DHX38: variants seen among roughly 807,000 people sequenced by gnomAD.
DHX38 encodes the protein DEAH-box helicase 38, also known as pre-mRNA-splicing factor ATP-dependent RNA helicase PRP16.
DHX38 carries 100 observed loss-of-function variants against 153.1 expected under a neutral mutation model. The ratio of observed to expected loss-of-function variants is 0.65; its 90% CI spans 0.56 to 0.77. DHX38 has a LOEUF of 0.77. Among genes scored for constraint, DHX38 ranks in the 30% least tolerant of loss-of-function variants. The probability of loss-of-function intolerance (pLI) is 0.00; values close to 1 mark genes in which losing one functional copy is unlikely to be tolerated. For synonymous variants in DHX38, 650 were observed against 631.7 expected (o/e 1.03, Z -0.43); for missense variants, 1,440 against 1,654.0 (o/e 0.87, Z 2.24).
At chr16:72,105,424 C>A in intron 17 of DHX38, 76 bp downstream of exon 17, 1 of 1,597,862 alleles carries the variant, frequency 6.3e-7, no homozygotes, top group Non-Finnish European at 8.6e-7. Flanking sequence ...ACTGTCCTGG[C>A]AGGGGGTGGG....
At position 72,111,070 on chromosome 16, in the gene DHX38, A is replaced by G. The variant is rs1386406343; in HGVS notation, c.3592A>G (p.Ser1198Gly). 1 of 1,563,524 alleles carries G rather than the reference A, an allele frequency of 6.4e-7. No homozygotes were observed. The highest frequency in any genetic ancestry group is 8.7e-7 in the Non-Finnish European group (1 of 1,154,570). The change falls in exon 26 of 27, where the codon AGT (serine) becomes GGT (glycine). Residue 1198 changes from serine to glycine, a missense_variant. Ser to Gly is a moderately conservative substitution (Grantham distance 56). Coordinates refer to ENST00000268482, the MANE Select transcript of DHX38 (RefSeq NM_014003.4). ...GCAGGAGAAGCGCAGCCCCCTGGGC[A>G]GTGTCAGGTGAGCTCCGGCCTTCGG... ...QEQEKRSPLG[S>G]VRSTKIYTPG...
At chr16:72,101,713 G>C in intron 11 of DHX38, 101 bp downstream of exon 11, 1 of 871,488 alleles carries the variant, frequency 1.1e-6, no homozygotes, top group Non-Finnish European at 1.8e-6. Flanking sequence ...TCCTGAGTGG[G>C]AGACTCTTAG....
Position 72,108,362 on chromosome 16 carries a change from C to G in DHX38, c.3100C>G (p.His1034Asp). The part of the protein sequence containing the change: ...STIWCNDHFI[H>D]AKAMRKVREV... ...CATCTGGTGTAACGATCATTTCATC[C>G]ATGCTAAGGCCATGCGGAAGGTAGA... is the stretch of plus-strand genomic sequence containing the variant. Residue 1034 changes from histidine (H) to aspartate (D), a missense_variant, in exon 22 of 27, where the codon CAT becomes GAT. Physicochemically the swap from His to Asp is moderately conservative, Grantham distance 81 (BLOSUM62 -1). Transcript: ENST00000268482. The G allele has an allele frequency of 1.9e-6, 3 of 1,614,156 alleles. No individual in the cohort carries two copies. The highest frequency in any genetic ancestry group is 2.5e-6 in the Non-Finnish European group (3 of 1,180,036).
Position 72,100,447 on chromosome 16 carries a change from C to T in DHX38, c.1128C>T (p.Arg376=), listed in dbSNP as rs1412585692. The T allele has an allele frequency of 6.2e-7, 1 of 1,613,910 alleles. No individual in the cohort carries two copies. The highest frequency in any genetic ancestry group is 1.3e-5 in the African/African-American group (1 of 74,930). The change falls in exon 9 of 27, where the codon CGC becomes CGT. Residue 376 remains arginine, a synonymous_variant. Coordinates refer to ENST00000268482, the MANE Select transcript of DHX38 (RefSeq NM_014003.4). ...TTGTGTCCTCACAGGATAACGAGCG[C>T]TGGGAGACAAACCGCATGCTCACCA... ...QRRQINEDNE[R]WETNRMLTSG...
intron 7 of DHX38, among the ~76,000 whole-genome samples, 190 bp downstream of exon 7, chr16:72,099,470 T>G (rs1398919763): frequency 1.3e-5 from 2 of 152,072 alleles, no homozygotes; most frequent in Admixed American, 6.5e-5. Context: ...CTGACCTAAC[T>G]GTTCTGTTAT....
In DHX38 at chr16:72,096,438, A is replaced by C; in HGVS notation, c.281A>C (p.Glu94Ala). ...ESKDDQKDAE[E>A]EGGDQAGQNI... ...AAGGATGACCAGAAGGATGCTGAGG[A>C]AGAGGGCGGTGACCAGGCTGGCCAA... Residue 94 changes from glutamate (E) to alanine (A), a missense_variant, in exon 2 of 27, where the codon GAA (glutamate) becomes GCA (alanine). Coordinates refer to ENST00000268482, the MANE Select transcript of DHX38 (RefSeq NM_014003.4). 8 of 1,613,818 alleles carry C rather than the reference A, an allele frequency of 5.0e-6. No homozygotes were observed. The highest frequency in any genetic ancestry group is 6.8e-6 in the Non-Finnish European group (8 of 1,179,932).
intron 12 of DHX38, 48 bp downstream of exon 12, chr16:72,103,259 C>T (rs2042125339): frequency 1.3e-6 from 2 of 1,593,480 alleles, no homozygotes; most frequent in African/African-American, 1.4e-5. Flanking sequence ...CAGGGGTGCC[C>T]TTGGTCTCCC....
Position 72,111,086 on chromosome 16 carries a change from C to A in DHX38, c.3599+9C>A. 1 of 1,551,372 alleles carries A rather than the reference C, an allele frequency of 6.4e-7. No individual in the cohort carries two copies. The highest frequency in any genetic ancestry group is 8.7e-7 in the Non-Finnish European group (1 of 1,147,770). On this transcript the variant is annotated intron_variant, in intron 26 of 26. Coordinates refer to ENST00000268482, the MANE Select transcript of DHX38 (RefSeq NM_014003.4). ...CCCCTGGGCAGTGTCAGGTGAGCTC[C>A]GGCCTTCGGGCTCTGGCTGGGGTGG...
intron 8 of DHX38, 85 bp from the exon 9 acceptor site, chr16:72,100,351 A>G: frequency 6.6e-7 from 1 of 1,516,282 alleles, no homozygotes; most frequent in Non-Finnish European, 8.9e-7. Flanking sequence ...TTCTGTCAGG[A>G]CTTGATGTGT....
At chr16:72,108,653 T>C (rs772013032) in intron 23 of DHX38, 46 bp downstream of exon 23, 1 of 1,601,018 alleles carries the variant, frequency 6.2e-7, no homozygotes. Context: ...GATACCTGTA[T>C]AAGGGCAAAG....
In DHX38 at chr16:72,098,961, C is replaced by T; in HGVS notation, c.799C>T (p.Leu267=). 1.2e-6 allele frequency: 2 copies of T among 1,614,158 alleles called. No homozygotes were observed. The highest frequency in any genetic ancestry group is 1.7e-6 in the Non-Finnish European group (2 of 1,180,046). ...GGGCAAGTACTCGGATGACACGCCTCTGCCAACTCCCTCCTACAAATATAA... is the reference window on the plus strand; with the variant it reads ...GGGCAAGTACTCGGATGACACGCCTTTGCCAACTCCCTCCTACAAATATAA... ...VRGKYSDDTP[L]PTPSYKYNEW... is the part of the protein sequence containing the mutation. Residue 267 remains leucine, a synonymous_variant, in exon 6 of 27, where the codon CTG becomes TTG. Coordinates refer to ENST00000268482, the MANE Select transcript of DHX38 (RefSeq NM_014003.4).
chr16:72,099,367 G>A lies in DHX38; in HGVS notation c.960+87G>A, dbSNP rs958084780. The A allele has an allele frequency of 3.6e-5, 45 of 1,242,236 alleles. No homozygotes were observed. In the African/African-American group the frequency reaches 4.8e-4, roughly 13 times the overall value. The allele number at this position is 1,242,236 out of a possible 1,614,324, so 77.0% of individuals were successfully genotyped here. On this transcript the variant is annotated intron_variant, in intron 7 of 26. Coordinates refer to ENST00000268482, the MANE Select transcript of DHX38 (RefSeq NM_014003.4). ...CTCTAGCAGGACTGGGCTTTGATGAGGGTACACCTGAGCCCTGTTCAGACC... is the reference window on the plus strand; with the variant it reads ...CTCTAGCAGGACTGGGCTTTGATGAAGGTACACCTGAGCCCTGTTCAGACC...
At chr16:72,103,513 T>G in intron 12 of DHX38, 89 bp from the exon 13 acceptor site, 1 of 1,411,712 alleles carries the variant, frequency 7.1e-7, no homozygotes, top group South Asian at 1.3e-5. Context: ...TAGCTAGTCA[T>G]GGGGATAGGA....
chr16:72,106,440 T>TTTTCTTTCTTTCTTTC lies in DHX38; in HGVS notation c.2600+338_2600+339insCTTTCTTTCTTTCTTT, dbSNP rs71153701. 2.6e-4 allele frequency among the ~76,000 whole-genome samples: 39 copies of TTTTCTTTCTTTCTTTC among 147,520 alleles called. 2 individuals are homozygous for TTTTCTTTCTTTCTTTC. The highest frequency in any genetic ancestry group is 2.7e-4 in the African/African-American group (11 of 40,644). ...TTATTTCTATTGTTCTCTTTCCCCA[T>TTTTCTTTCTTTCTTTC]TTTCTTTCTTTCTTTTTTCCAATTA... On this transcript the variant is annotated intron_variant, in intron 19 of 26. Coordinates refer to ENST00000268482, the MANE Select transcript of DHX38 (RefSeq NM_014003.4).
intron 11 of DHX38, among the ~76,000 whole-genome samples, chr16:72,102,251 G>A (rs1249993957): frequency 1.3e-5 from 2 of 152,180 alleles, no homozygotes; most frequent in East Asian, 3.9e-4. Context: ...CATACGAGAA[G>A]TTGGTACTAT....
intron 25 of DHX38, 186 bp downstream of exon 25, chr16:72,109,696 C>A: frequency 2.0e-6 from 1 of 495,118 alleles, no homozygotes; most frequent in Non-Finnish European, 3.4e-6. Context: ...GTAGGCTGAG[C>A]CTTTAAAAAC....
chr16:72,107,686 C>T lies in DHX38; in HGVS notation c.2851C>T (p.Leu951=), dbSNP rs1597447483. The T allele has an allele frequency of 1.2e-6, 2 of 1,614,210 alleles. No individual in the cohort carries two copies. The highest frequency in any genetic ancestry group is 1.7e-6 in the Non-Finnish European group (2 of 1,180,048). The change falls in exon 21 of 27, where the codon CTG becomes TTG. Residue 951 remains leucine, a synonymous_variant. Transcript: ENST00000268482. The surrounding 1 kb of genome is among the most constrained non-coding windows in gnomAD (Gnocchi z 5.3). Reference sequence around the variant, plus strand: ...CGGGCGGCTGATGGTGGAGTTCCCGCTGGACCCTGCCCTGTCCAAGATGCT... The same window carrying T: ...CGGGCGGCTGATGGTGGAGTTCCCGTTGGACCCTGCCCTGTCCAAGATGCT... ...STGRLMVEFP[L]DPALSKMLIV...
In DHX38 at chr16:72,111,037, C is replaced by T. The variant is rs201730144; in HGVS notation, c.3559C>T (p.Arg1187Trp). 10 of 1,578,174 alleles carry T rather than the reference C, an allele frequency of 6.3e-6. No individual in the cohort carries two copies. The highest frequency in any genetic ancestry group is 2.3e-5 in the East Asian group (1 of 43,082). Residue 1187 changes from arginine (R) to tryptophan (W), a missense_variant, in exon 26 of 27, where the codon CGG becomes TGG. By Grantham distance (101) the Arg-to-Trp change is moderately radical. Around this residue, in one of 6 missense-constraint regions of DHX38, gnomAD observed 75 missense variants for 69.5 expected, o/e 1.08. Coordinates refer to ENST00000268482, the MANE Select transcript of DHX38 (RefSeq NM_014003.4). The stretch of plus-strand genomic sequence containing the variant: ...GGCCGAGGAGCAGCTGCGAGCCCGG[C>T]GGCAGGAGCAGGAGAAGCGCAGCCC... The part of the protein sequence containing the change: ...ALAEEQLRAR[R>W]QEQEKRSPLG...
At position 72,112,505 on chromosome 16, in the gene DHX38, C is replaced by T. The variant is rs1226178228; in HGVS notation, c.*8C>T. 1.9e-6 allele frequency: 3 copies of T among 1,611,570 alleles called. No homozygotes were observed. Among genetic ancestry groups the T allele is most frequent in the African/African-American group, 2.7e-5 (2 of 74,946 alleles). ...GCCCGCTTTGGTCTGTGAGCTGAGG[C>T]TGTCCCCAGAGAGGATGGCAGCAGG... is the stretch of plus-strand genomic sequence containing the variant. On this transcript the variant is annotated 3_prime_UTR_variant, in exon 27 of 27. Coordinates refer to ENST00000268482, the MANE Select transcript of DHX38 (RefSeq NM_014003.4).
Sources: allele counts gnomAD v4.1 joint callset (sites outside exome capture counted in the v4.1 genomes callset), GRCh38; gene constraint gnomAD v4.1.1; regional missense constraint gnomAD v4.1.1; non-coding constraint Gnocchi (gnomAD v3.1); transcripts MANE v1.5; gene names NCBI Gene and HGNC (gene_info 2026-07-23, HGNC 2026-07-21).